The following UBE2E2 variants were observed in gnomAD, a reference collection of about 807,000 sequenced individuals.
The protein encoded by UBE2E2 is ubiquitin conjugating enzyme E2 E2, also known as ubiquitin-conjugating enzyme E2 E2.
A neutral mutation model predicts 24.7 loss-of-function variants in UBE2E2; 6 were observed. That is an observed-to-expected ratio of 0.24 (90% confidence interval 0.13 to 0.48). The LOEUF (loss-of-function observed/expected upper bound fraction) is 0.48, where lower values mean the gene tolerates loss of function less well. UBE2E2 is among the 20% of genes least tolerant of loss of function. The probability of loss-of-function intolerance (pLI) is 0.99; values close to 1 mark genes in which losing one functional copy is unlikely to be tolerated. For missense variants in UBE2E2, 169 were observed against 245.0 expected, an observed-to-expected ratio of 0.69 and a Z score of 2.07; for synonymous variants, 104 against 83.6, an observed-to-expected ratio of 1.24 and a Z score of -1.33.
At chr3:23,468,706 C>G (rs796375036) in intron 3 of UBE2E2, among the ~76,000 whole-genome samples, 4 of 152,274 alleles carry the variant, frequency 2.6e-5, no homozygotes, top group African/African-American at 9.6e-5. Flanking sequence ...AACCAAACAA[C>G]TAATAAGTAC....
At chr3:23,448,904 C>T (rs1698492207) in intron 3 of UBE2E2, among the ~76,000 whole-genome samples, 1 of 152,198 alleles carries the variant, frequency 6.6e-6, no homozygotes, top group Middle Eastern at 3.2e-3. Flanking sequence ...TTTTAGTGCA[C>T]AGTTCCATCT....
intron 3 of UBE2E2, among the ~76,000 whole-genome samples, chr3:23,224,019 G>A (rs977850630): frequency 6.6e-6 from 1 of 152,154 alleles, no homozygotes; most frequent in Admixed American, 6.5e-5. Context: ...CTGTTTTTAT[G>A]CCAGTACCAT....
intron 5 of UBE2E2, among the ~76,000 whole-genome samples, chr3:23,564,701 G>A (rs1160830622): frequency 2.0e-5 from 3 of 152,136 alleles, no homozygotes; most frequent in Non-Finnish European, 1.5e-5. Flanking sequence ...CATCCACGGG[G>A]TAGAAAGCCT....
intron 3 of UBE2E2, among the ~76,000 whole-genome samples, chr3:23,356,274 C>G (rs56872157): frequency 0.045 from 6,803 of 152,216 alleles, 528 homozygotes; most frequent in African/African-American, 0.15. Context: ...AGACAGTAAC[C>G]TACAGGGCTA....
Position 23,352,817 on chromosome 3 carries a change from T to C in UBE2E2, c.227+135505T>C, listed in dbSNP as rs148538682. Among the ~76,000 whole-genome samples the C allele has an allele frequency of 9.5e-4, 145 of 152,330 alleles. 2 individuals are homozygous for C. In the East Asian group the frequency reaches 0.016, roughly 17 times the overall value. ...TTCTACCAGAGGTACAAGGAGGAAC[T>C]GGTACGATTCTTTCTGAAACTATTC... On this transcript the variant is annotated intron_variant, in intron 3 of 5. Coordinates refer to ENST00000396703, the MANE Select transcript of UBE2E2 (RefSeq NM_152653.4).
At chr3:23,212,013 C>T (rs1265596077) in intron 2 of UBE2E2, among the ~76,000 whole-genome samples, 1 of 152,086 alleles carries the variant, frequency 6.6e-6, no homozygotes, top group Admixed American at 6.6e-5. Flanking sequence ...TTTGTAGTGA[C>T]TTAGGAAAAG....
intron 3 of UBE2E2, among the ~76,000 whole-genome samples, chr3:23,247,233 C>G (rs1337874683): frequency 6.6e-6 from 1 of 152,014 alleles, no homozygotes; most frequent in Non-Finnish European, 1.5e-5. Context: ...TTAATTAATA[C>G]TCAAATATTA....
intron 3 of UBE2E2, among the ~76,000 whole-genome samples, chr3:23,314,377 G>A (rs1385664070): frequency 6.6e-6 from 1 of 151,984 alleles, no homozygotes; most frequent in African/African-American, 2.4e-5. Context: ...TGATCCTCTC[G>A]CCTCTACCTC....
chr3:23,203,141 G>C (rs887289136), upstream of UBE2E2: 5 of 984,636 alleles, frequency 5.1e-6, no homozygotes, highest in African/African-American at 8.8e-5. Flanking sequence ...GGCGGCGGCG[G>C]CTCCCGGAGG....
chr3:23,306,326 C>G (rs62255348), intron 3 of UBE2E2, among the ~76,000 whole-genome samples: 1 of 152,082 alleles, frequency 6.6e-6, no homozygotes, highest in Non-Finnish European at 1.5e-5. Flanking sequence ...TTGAAATAGG[C>G]CTCCGTGGAA....
At position 23,474,076 on chromosome 3, in the gene UBE2E2, A is replaced by T. The variant is rs1699079451; in HGVS notation, c.228-25532A>T. On this transcript the variant is annotated intron_variant, in intron 3 of 5. Coordinates refer to ENST00000396703, the MANE Select transcript of UBE2E2 (RefSeq NM_152653.4). This position sits in a 1 kb window ranked among gnomAD's most constrained non-coding sequence, Gnocchi z 4.0. ...TATGCCAACATATATATATTTTTTT[A>T]TTTTTTTGCGGGAGTAAGATGGTAT... 6.6e-6 allele frequency among the ~76,000 whole-genome samples: 1 copy of T among 151,382 alleles called. No individual in the cohort carries two copies. Among genetic ancestry groups the T allele is most frequent in the African/African-American group, 2.4e-5 (1 of 41,114 alleles).
Position 23,208,677 on chromosome 3 carries a change from G to T in UBE2E2, c.-8-15G>T, listed in dbSNP as rs1469603497. 4 of 1,577,576 alleles carry T rather than the reference G, an allele frequency of 2.5e-6. No homozygotes were observed. Among genetic ancestry groups the T allele is most frequent in the Admixed American group, 3.7e-5 (2 of 53,430 alleles). On this transcript the variant is annotated splice_polypyrimidine_tract_variant and intron_variant, in intron 1 of 5. Transcript: ENST00000396703. ...TAGTACAGCTAAATAAATGATTTTT[G>T]ATTCTTTAATCCAGGATCTAAAATG...
intron 3 of UBE2E2, chr3:23,389,651 C>A: frequency 3.8e-6 from 1 of 266,586 alleles, no homozygotes; most frequent in Non-Finnish European, 7.8e-6. Flanking sequence ...GCCCTTTGAG[C>A]TGTGGTTCAC....
At chr3:23,442,395 GTGA>G (rs1698329173) in intron 3 of UBE2E2, among the ~76,000 whole-genome samples, 1 of 152,056 alleles carries the variant, frequency 6.6e-6, no homozygotes, top group African/African-American at 2.4e-5. Context: ...GTAAGAGAGG[GTGA>G]TATTTCATAC....
At chr3:23,383,098 A>C (rs146633549) in intron 3 of UBE2E2, among the ~76,000 whole-genome samples, 4 of 152,326 alleles carry the variant, frequency 2.6e-5, no homozygotes, top group African/African-American at 9.6e-5. Context: ...GAAAAGTAAA[A>C]GTAGGAAGAA....
chr3:23,527,766 A>G (rs1427161663), intron 4 of UBE2E2, among the ~76,000 whole-genome samples: 2 of 152,002 alleles, frequency 1.3e-5, no homozygotes, highest in East Asian at 3.9e-4. Context: ...GGGTTGCTGA[A>G]CTCATGGAGG....
chr3:23,424,677 A>G (rs996912401), intron 3 of UBE2E2, among the ~76,000 whole-genome samples: 5 of 152,188 alleles, frequency 3.3e-5, no homozygotes, highest in Admixed American at 6.5e-5. Context: ...AGTTAAATAC[A>G]TAAAATGATG....
chr3:23,572,186 T>A (rs1696245352), intron 5 of UBE2E2, among the ~76,000 whole-genome samples: 1 of 152,206 alleles, frequency 6.6e-6, no homozygotes, highest in Non-Finnish European at 1.5e-5. Flanking sequence ...TTTTTCTCCC[T>A]TAATCACTAC....
At chr3:23,551,702 A>G (rs1695647916) in intron 5 of UBE2E2, among the ~76,000 whole-genome samples, 1 of 152,130 alleles carries the variant, frequency 6.6e-6, no homozygotes, top group Non-Finnish European at 1.5e-5. Context: ...TGAGAGAGTA[A>G]AAAGGATGAC....
Sources: gnomAD v4.1 joint callset for allele counts (sites outside exome capture counted in the v4.1 genomes callset) on GRCh38, gnomAD v4.1.1 for gene constraint, Gnocchi (gnomAD v3.1) non-coding constraint, MANE v1.5 for transcripts, NCBI Gene and HGNC (gene_info 2026-07-23, HGNC 2026-07-21) for gene names.